The following LTBP1 variants were observed in gnomAD, a reference collection of about 807,000 sequenced individuals.
The protein encoded by LTBP1 is latent-transforming growth factor beta-binding protein 1.
A neutral mutation model predicts 207.6 loss-of-function variants in LTBP1; 129 were observed. The observed-to-expected ratio is 0.62, with a 90% CI of 0.54 to 0.72. The LOEUF (loss-of-function observed/expected upper bound fraction) is 0.72, where lower values mean the gene tolerates loss of function less well. LTBP1 is among the 30% of genes least tolerant of loss of function. The probability of loss-of-function intolerance (pLI) is 0.00; values close to 1 mark genes in which losing one functional copy is unlikely to be tolerated. For missense variants in LTBP1, 2,281 were observed against 2,217.2 expected (o/e 1.03, Z -0.58); for synonymous variants, 963 against 833.7 (o/e 1.16, Z -2.67).
intron 25 of LTBP1, among the ~76,000 whole-genome samples, chr2:33,344,629 G>A (rs1420596517): frequency 6.6e-6 from 1 of 152,124 alleles, no homozygotes; most frequent in African/African-American, 2.4e-5. Context: ...GCTGAGCTGT[G>A]ACCTCTGCTT....
At chr2:33,392,548 T>C (rs942899093) in intron 32 of LTBP1, among the ~76,000 whole-genome samples, 13 of 152,142 alleles carry the variant, frequency 8.5e-5, no homozygotes, top group African/African-American at 2.9e-4. Flanking sequence ...TCAACTCTAC[T>C]GTAGTTTCAC....
At chr2:33,369,170 G>A (rs888347438) in intron 31 of LTBP1, among the ~76,000 whole-genome samples, 6 of 151,624 alleles carry the variant, frequency 4.0e-5, no homozygotes, top group African/African-American at 1.5e-4. Context: ...CAGAATATCA[G>A]GGGAAAAAAG....
Position 33,308,197 on chromosome 2 carries a change from G to T in LTBP1, c.3482-1237G>T, listed in dbSNP as rs115429399. Among the ~76,000 whole-genome samples, 467 of 152,226 alleles carry T rather than the reference G, an allele frequency of 3.1e-3. 2 individuals carry two copies. The highest frequency in any genetic ancestry group is 0.011 in the African/African-American group (447 of 41,506). ...TTAGGAATAATGTGCTTTGACTAGG[G>T]GTAAACATGGTAATCAGCAGCCCTT... On this transcript the variant is annotated intron_variant, in intron 22 of 33. Coordinates refer to ENST00000404816, the MANE Select transcript of LTBP1 (RefSeq NM_206943.4).
intron 2 of LTBP1, among the ~76,000 whole-genome samples, chr2:32,990,446 A>C (rs1040490943): frequency 1.3e-5 from 2 of 152,236 alleles, no homozygotes; most frequent in Admixed American, 6.5e-5. Context: ...ATGGAGTTCC[A>C]TGTAAAATGC....
chr2:33,192,925 C>T (rs1173030748), intron 7 of LTBP1, among the ~76,000 whole-genome samples: 1 of 152,094 alleles, frequency 6.6e-6, no homozygotes, highest in Non-Finnish European at 1.5e-5. Flanking sequence ...CTAACCCACT[C>T]CCAAGATAAT....
chr2:33,316,564 G>C (rs2094276251), intron 24 of LTBP1, among the ~76,000 whole-genome samples: 1 of 152,192 alleles, frequency 6.6e-6, no homozygotes, highest in African/African-American at 2.4e-5. Context: ...AGAGAGTTCA[G>C]GGTGGATTGA....
intron 5 of LTBP1, among the ~76,000 whole-genome samples, chr2:33,138,939 A>AGCTCC (rs1203240561): frequency 7.3e-6 from 1 of 137,072 alleles, no homozygotes. Flanking sequence ...GCTCACTGCA[A>AGCTCC]GCTCCGCCTC....
intron 5 of LTBP1, among the ~76,000 whole-genome samples, chr2:33,152,136 A>C (rs2083588789): frequency 6.6e-6 from 1 of 152,218 alleles, no homozygotes; most frequent in Non-Finnish European, 1.5e-5. Context: ...TAGACAACTC[A>C]CAGAGTGGGA....
intron 3 of LTBP1, 132 bp downstream of exon 3, chr2:33,021,338 C>G (rs1414875909): frequency 1.1e-6 from 1 of 883,850 alleles, no homozygotes; most frequent in East Asian, 2.7e-5. Flanking sequence ...TCTTTCCTTT[C>G]TTAAGGCTTT....
At chr2:33,157,967 C>A (rs2084116779) in intron 5 of LTBP1, among the ~76,000 whole-genome samples, 1 of 151,826 alleles carries the variant, frequency 6.6e-6, no homozygotes, top group Non-Finnish European at 1.5e-5. Context: ...CATGGGGAAA[C>A]CCTACTAAAA....
intron 9 of LTBP1, among the ~76,000 whole-genome samples, chr2:33,222,679 G>C (rs983484502): frequency 6.6e-6 from 1 of 152,112 alleles, no homozygotes; most frequent in African/African-American, 2.4e-5. Flanking sequence ...GGTTTATGTT[G>C]AACAGTACAG....
intron 3 of LTBP1, among the ~76,000 whole-genome samples, chr2:33,039,886 G>A (rs1018355156): frequency 6.6e-6 from 1 of 152,152 alleles, no homozygotes; most frequent in Non-Finnish European, 1.5e-5. Context: ...TACGGTTGAG[G>A]TTTTAGATGA....
chr2:33,353,740 A>G (rs1424640422), intron 26 of LTBP1, among the ~76,000 whole-genome samples: 2 of 152,134 alleles, frequency 1.3e-5, no homozygotes, highest in South Asian at 2.1e-4. Context: ...AAAAAAGAAC[A>G]TCTCCCCACT....
In LTBP1 at chr2:33,337,405, C is replaced by G. The variant is rs376312130; in HGVS notation, c.3731-5433C>G. 1.5e-4 allele frequency among the ~76,000 whole-genome samples: 23 copies of G among 152,298 alleles called. No homozygotes were observed. The East Asian group carries it at 2.3e-3, about 15-fold the overall frequency. Reference sequence around the variant, plus strand: ...CACTGGTAGTTCCCGTCACCCAGAACTATGTTCTATTTTTCTTTCTGACAT... The same window carrying G: ...CACTGGTAGTTCCCGTCACCCAGAAGTATGTTCTATTTTTCTTTCTGACAT... On this transcript the variant is annotated intron_variant, in intron 24 of 33. Coordinates refer to ENST00000404816, the MANE Select transcript of LTBP1 (RefSeq NM_206943.4).
intron 15 of LTBP1, 137 bp from the exon 16 acceptor site, chr2:33,273,519 G>A (rs2093363308): frequency 3.6e-6 from 2 of 554,766 alleles, no homozygotes; most frequent in African/African-American, 3.9e-5. Context: ...GATGTCAGAG[G>A]TCACCTTTGT....
At chr2:33,184,711 A>C (rs542832188) in intron 5 of LTBP1, among the ~76,000 whole-genome samples, 1 of 150,462 alleles carries the variant, frequency 6.6e-6, no homozygotes, top group Admixed American at 6.6e-5. Context: ...TGAATCTTCT[A>C]TACCATGAGG....
rs66505403 is a variant in LTBP1 at position 33,282,062 on chromosome 2, C to CATATAT, written c.3112+1926_3112+1931dup. Among the ~76,000 whole-genome samples, 262 of 142,864 alleles carry CATATAT rather than the reference C, an allele frequency of 1.8e-3. 2 individuals are homozygous for CATATAT. Among genetic ancestry groups the CATATAT allele is most frequent in the Middle Eastern group, 7.4e-3 (2 of 272 alleles). The allele number at this position is 142,864 out of a possible 152,430, so 93.7% of individuals were successfully genotyped here. Reference sequence around the variant, plus strand: ...AAATGAATTCTTATACCTATATGTGCATATATATATATATATATATATATA... The same window carrying CATATAT: ...AAATGAATTCTTATACCTATATGTGCATATATATATATATATATATATATATATATA... On this transcript the variant is annotated intron_variant, in intron 19 of 33. Transcript: ENST00000404816.
intron 20 of LTBP1, among the ~76,000 whole-genome samples, chr2:33,297,020 G>C (rs1002774464): frequency 2.0e-5 from 3 of 152,324 alleles, no homozygotes; most frequent in Admixed American, 6.5e-5. Context: ...AAGCCAAGAA[G>C]TGTGTGGCTA....
intron 2 of LTBP1, among the ~76,000 whole-genome samples, chr2:33,013,591 TA>T (rs1687963021): frequency 6.6e-6 from 1 of 152,162 alleles, no homozygotes. Flanking sequence ...TGCCTGTGAT[TA>T]AAAAAAGTTA....
Sources: allele counts gnomAD v4.1 joint callset (sites outside exome capture counted in the v4.1 genomes callset), GRCh38; gene constraint gnomAD v4.1.1; transcripts MANE v1.5; gene names NCBI Gene and HGNC (gene_info 2026-07-23, HGNC 2026-07-21).